Variants in DRC7 observed in about 807,000 individuals in gnomAD.
The protein encoded by DRC7 is coiled-coil domain containing 135.
In DRC7, 80 loss-of-function variants were observed where a neutral mutation model predicts 104.4. That is an observed-to-expected ratio of 0.77 (90% CI 0.64 to 0.92). DRC7 has a LOEUF of 0.92. Among genes scored for constraint, DRC7 ranks in the 40% least tolerant of loss-of-function variants. The pLI, the probability that DRC7 is intolerant of heterozygous loss-of-function variation, is 0.00. For missense variants in DRC7, 1,034 were observed against 1,141.1 expected (o/e 0.91, Z 1.35); for synonymous variants, 405 against 447.3 (o/e 0.91, Z 1.19).
Position 57,731,717 on chromosome 16 carries a change from A to G in DRC7, c.*459A>G, listed in dbSNP as rs2049063923. 1 of 170,796 alleles carries G rather than the reference A, an allele frequency of 5.9e-6. No homozygotes were observed. The highest frequency in any genetic ancestry group is 1.5e-4 in the South Asian group (1 of 6,874). The allele number at this position is 170,796 out of a possible 1,614,324, so 10.6% of individuals were successfully genotyped here. Reference sequence around the variant, plus strand: ...AAGATGCATGCCCCAGAATTTGAGGACTGAATCCCAGCTCCTCCTCTTACC... The same window carrying G: ...AAGATGCATGCCCCAGAATTTGAGGGCTGAATCCCAGCTCCTCCTCTTACC... On this transcript the variant is annotated 3_prime_UTR_variant, in exon 19 of 19. Transcript: ENST00000360716.
In DRC7 at chr16:57,728,520, G is replaced by A. The variant is rs143144591; in HGVS notation, c.2327G>A (p.Cys776Tyr). 771 of 1,611,880 alleles carry A rather than the reference G, an allele frequency of 4.8e-4. 1 individual carries two copies. The highest frequency in any genetic ancestry group is 6.1e-4 in the Non-Finnish European group (725 of 1,179,592). The change falls in exon 17 of 19, where the codon TGC becomes TAC. Residue 776 changes from cysteine (C) to tyrosine (Y), a missense_variant. Coordinates refer to ENST00000360716, the MANE Select transcript of DRC7 (RefSeq NM_001289162.2). ...CAGGCGGTGCGCCTCAAGGATGAGT[G>A]CCTCAGCGACTTCAAGCAGCGGCTC... ...CWQAVRLKDE[C>Y]LSDFKQRLIN...
chr16:57,700,413 CCAAGGCGGGCAGATCA>C (rs1161528709), intron 5 of DRC7, 143 bp downstream of exon 5: 3 of 1,047,148 alleles, frequency 2.9e-6, no homozygotes, highest in Non-Finnish European at 4.0e-6. Flanking sequence ...TTTTGGGAGG[CCAAGGCGGGCAGATCA>C]CAAGGTCAGG....
Position 57,731,211 on chromosome 16 carries a change from C to G in DRC7, c.2578C>G (p.Leu860Val). Residue 860 changes from leucine to valine, a missense_variant, in exon 19 of 19, where the codon CTC (leucine) becomes GTC (valine). Physicochemically the swap from Leu to Val is conservative, Grantham distance 32. Transcript: ENST00000360716. Reference sequence around the variant, plus strand: ...GAAGTACCTGGCTCTGGAGGAAAAGCTCTACAAGGACCCACGCCTGGGGGA... The same window carrying G: ...GAAGTACCTGGCTCTGGAGGAAAAGGTCTACAAGGACCCACGCCTGGGGGA... The part of the protein sequence containing the change: ...PLKYLALEEK[L>V]YKDPRLGELQ... 1 of 1,613,824 alleles carries G rather than the reference C, an allele frequency of 6.2e-7. No homozygotes were observed. The highest frequency in any genetic ancestry group is 8.5e-7 in the Non-Finnish European group (1 of 1,179,982).
intron 5 of DRC7, chr16:57,701,256 G>A (rs2048655277): frequency 6.6e-6 from 1 of 152,426 alleles, no homozygotes; most frequent in Non-Finnish European, 1.5e-5. Context: ...TTCCTTCAAT[G>A]GGATGTCAGG....
At position 57,723,114 on chromosome 16, in the gene DRC7, C is replaced by A. The variant is rs764293886; in HGVS notation, c.1521C>A (p.His507Gln). The A allele has an allele frequency of 3.1e-6, 5 of 1,613,582 alleles. No homozygotes were observed. The highest frequency in any genetic ancestry group is 4.5e-5 in the East Asian group (2 of 44,890). The change falls in exon 12 of 19, where the codon CAC (histidine) becomes CAA (glutamine). Residue 507 changes from histidine to glutamine, a missense_variant. His to Gln is a conservative substitution (Grantham distance 24). Coordinates refer to ENST00000360716, the MANE Select transcript of DRC7 (RefSeq NM_001289162.2). ...DLKTDYFKPG[H>Q]PQALRVHSYK... Reference sequence around the variant, plus strand: ...AGACAGACTACTTCAAGCCTGGCCACCCCCAGGCTCTGCGCGGTGCGTGGC... The same window carrying A: ...AGACAGACTACTTCAAGCCTGGCCAACCCCAGGCTCTGCGCGGTGCGTGGC...
intron 15 of DRC7, 120 bp from the exon 16 acceptor site, chr16:57,727,179 C>A: frequency 1.2e-6 from 1 of 826,260 alleles, no homozygotes; most frequent in South Asian, 1.5e-5. Flanking sequence ...CCATTTTGCC[C>A]AGGCTGGTCT....
intron 9 of DRC7, among the ~76,000 whole-genome samples, chr16:57,719,594 C>T (rs1345894375): frequency 6.6e-6 from 1 of 152,172 alleles, no homozygotes; most frequent in African/African-American, 2.4e-5. Flanking sequence ...ACTGCAGCCT[C>T]GAACTCCTGG....
rs1555572085 is a variant in DRC7 at position 57,698,106 on chromosome 16, G to A, written c.157G>A (p.Glu53Lys). The A allele has an allele frequency of 1.2e-6, 2 of 1,614,148 alleles. No homozygotes were observed. Among genetic ancestry groups the A allele is most frequent in the Admixed American group, 3.3e-5 (2 of 60,018 alleles). Residue 53 changes from glutamate to lysine, a missense_variant, in exon 3 of 19, where the codon GAG (glutamate) becomes AAG (lysine). Transcript: ENST00000360716. ...AAAGCAGGAGACGCTCAGAGACCTGGAGAAGAAGCTGTCAGAGATCCAGAT... is the reference window on the plus strand; with the variant it reads ...AAAGCAGGAGACGCTCAGAGACCTGAAGAAGAAGCTGTCAGAGATCCAGAT... ...TLKQETLRDL[E>K]KKLSEIQITV...
chr16:57,697,666 A>T (rs1047267795), intron 2 of DRC7, among the ~76,000 whole-genome samples: 2 of 152,324 alleles, frequency 1.3e-5, no homozygotes, highest in African/African-American at 4.8e-5. Context: ...ATGGCTTCCA[A>T]CCGGAGGCCT....
At chr16:57,700,586 G>A (rs1430178001) in intron 5 of DRC7, among the ~76,000 whole-genome samples, 1 of 146,826 alleles carries the variant, frequency 6.8e-6, no homozygotes, top group Non-Finnish European at 1.5e-5. Flanking sequence ...AGCGGAAGTT[G>A]CAGTGAGCCA....
At chr16:57,726,505 C>A in intron 14 of DRC7, 1 of 580,142 alleles carries the variant, frequency 1.7e-6, no homozygotes, top group Non-Finnish European at 3.1e-6. Context: ...ACTCAGCAGG[C>A]TAAGACGACT....
At chr16:57,729,961 G>A (rs2049037295) in intron 17 of DRC7, among the ~76,000 whole-genome samples, 1 of 142,234 alleles carries the variant, frequency 7.0e-6, no homozygotes, top group Non-Finnish European at 1.5e-5. Context: ...TGGATGGATG[G>A]ATGGATGGGC....
chr16:57,727,201 A>T, intron 15 of DRC7, 98 bp from the exon 16 acceptor site: 1 of 966,956 alleles, frequency 1.0e-6, no homozygotes, highest in South Asian at 1.4e-5. Context: ...AAACTCCTGA[A>T]TTCATGCAAT....
chr16:57,722,797 G>A lies in DRC7; in HGVS notation c.1364G>A (p.Ser455Asn). 6.2e-7 allele frequency: 1 copy of A among 1,613,912 alleles called. No homozygotes were observed. The highest frequency in any genetic ancestry group is 2.2e-5 in the East Asian group (1 of 44,876). Reference sequence around the variant, plus strand: ...GAGAAGTGGGCCCCGTACCTCAATAGCAATGGCCTTGTGAGCCGCCTCACC... The same window carrying A: ...GAGAAGTGGGCCCCGTACCTCAATAACAATGGCCTTGTGAGCCGCCTCACC... Reference protein sequence around the residue: ...KLEKWAPYLNSNGLVSRLTTY... With the variant: ...KLEKWAPYLNNNGLVSRLTTY... The change falls in exon 11 of 19, where the codon AGC (serine) becomes AAC (asparagine). Residue 455 changes from serine (S) to asparagine (N), a missense_variant. By Grantham distance (46) the Ser-to-Asn change is conservative. Coordinates refer to ENST00000360716, the MANE Select transcript of DRC7 (RefSeq NM_001289162.2).
chr16:57,729,920 G>A (rs1291395387), intron 17 of DRC7, among the ~76,000 whole-genome samples: 1 of 133,580 alleles, frequency 7.5e-6, no homozygotes, highest in East Asian at 2.4e-4. Flanking sequence ...GTGGGTGGAT[G>A]GATGAGTGGG....
In DRC7 at chr16:57,724,799, T is replaced by G; in HGVS notation, c.1722T>G (p.Thr574=). The G allele has an allele frequency of 1.2e-6, 2 of 1,613,666 alleles. No individual in the cohort carries two copies. Among genetic ancestry groups the G allele is most frequent in the Non-Finnish European group, 1.7e-6 (2 of 1,179,972 alleles). The change falls in exon 13 of 19, where the codon ACT becomes ACG. Residue 574 remains threonine, a synonymous_variant. Coordinates refer to ENST00000360716, the MANE Select transcript of DRC7 (RefSeq NM_001289162.2). The stretch of plus-strand genomic sequence containing the variant: ...TCGGACCCCGAGTCAAGAAGCTCAC[T>G]CTGAGCAGTGCAGAGTCAAACCCCC... ...ASFGPRVKKL[T]LSSAESNPRP...
At chr16:57,715,228 T>G (rs1164676165) in intron 8 of DRC7, among the ~76,000 whole-genome samples, 1 of 152,094 alleles carries the variant, frequency 6.6e-6, no homozygotes, top group East Asian at 1.9e-4. Flanking sequence ...TTTTGTATTT[T>G]TAGTAGAGAC....
chr16:57,699,113 C>T (rs751398877), intron 4 of DRC7, 89 bp downstream of exon 4: 29 of 1,479,958 alleles, frequency 2.0e-5, no homozygotes, highest in Non-Finnish European at 2.4e-5. Context: ...TCCAAGGTCA[C>T]TGGGCCAAAT....
chr16:57,709,594 T>A (rs577557318), intron 8 of DRC7, among the ~76,000 whole-genome samples: 2 of 152,322 alleles, frequency 1.3e-5, no homozygotes, highest in South Asian at 2.1e-4. Flanking sequence ...ATGATCATAA[T>A]TTTTTCTTCT....
Sources: gnomAD v4.1 joint callset for allele counts (sites outside exome capture counted in the v4.1 genomes callset) on GRCh38, gnomAD v4.1.1 for gene constraint, MANE v1.5 for transcripts, NCBI Gene and HGNC (gene_info 2026-07-23, HGNC 2026-07-21) for gene names.